Variants in ALG10B observed in about 807,000 individuals in gnomAD.
The protein encoded by ALG10B is dol-P-Glc:Glc(2)Man(9)GlcNAc(2)-PP-Dol alpha-1,2-glucosyltransferase B.
In ALG10B, 27 loss-of-function variants were observed where a neutral mutation model predicts 38.7. That is an observed-to-expected ratio of 0.70 (90% confidence interval 0.51 to 0.96). The LOEUF (loss-of-function observed/expected upper bound fraction) is 0.96. ALG10B is among the 40% of genes least tolerant of loss of function. ALG10B has a pLI of 0.00. For missense variants in ALG10B, 522 were observed against 542.7 expected, an observed-to-expected ratio of 0.96 and a Z score of 0.38; for synonymous variants, 177 against 193.3, an observed-to-expected ratio of 0.92 and a Z score of 0.70.
chr12:38,321,705 T>A lies in ALG10B; in HGVS notation c.*492T>A, dbSNP rs1223860055. On this transcript the variant is annotated 3_prime_UTR_variant, in exon 3 of 3. Coordinates refer to ENST00000308742, the MANE Select transcript of ALG10B (RefSeq NM_001013620.4). ...CAAATGGTCAGGTGATATTCTTGAC[T>A]GAAAAGTTCCTTAACATTTCAGTAA... 1 of 152,630 alleles carries A rather than the reference T, an allele frequency of 6.6e-6. No homozygotes were observed. Among genetic ancestry groups the A allele is most frequent in the Non-Finnish European group, 1.5e-5 (1 of 68,040 alleles). 9.5% of individuals were successfully genotyped at this position (152,630 alleles called of 1,614,324 possible).
chr12:38,318,471 A>G lies in ALG10B; in HGVS notation c.369+13A>G. The G allele has an allele frequency of 3.1e-6, 5 of 1,610,652 alleles. No individual in the cohort carries two copies. The highest frequency in any genetic ancestry group is 4.2e-6 in the Non-Finnish European group (5 of 1,176,946). On this transcript the variant is annotated intron_variant, in intron 2 of 2. Coordinates refer to ENST00000308742, the MANE Select transcript of ALG10B (RefSeq NM_001013620.4). The stretch of plus-strand genomic sequence containing the variant: ...ACCCAGAAACAAGGTATGTTTCAAA[A>G]TACTTAATTACAAGTTTATGTGTAG...
chr12:38,328,895 T>C lies in ALG10B; in HGVS notation c.*7682T>C, dbSNP rs1591942344. On this transcript the variant is annotated 3_prime_UTR_variant, in exon 3 of 3. Transcript: ENST00000308742. ...CCACTGTTATAAAGTGATTTACCCA[T>C]GTTAGTCTCATAACAACTCTATGAG... The C allele has an allele frequency of 3.7e-6, 1 of 273,824 alleles. No individual in the cohort carries two copies. The highest frequency in any genetic ancestry group is 6.8e-6 in the Non-Finnish European group (1 of 147,558). 17.0% of individuals were successfully genotyped at this position (273,824 alleles called of 1,614,324 possible). A position where few individuals can be genotyped will look rare whatever the true frequency, so the allele number is the denominator to read the frequency against.
Position 38,316,818 on chromosome 12 carries a change from C to T in ALG10B, c.-76C>T, listed in dbSNP as rs1945658962. ...CCTGTCTAGCGCGCCCATTTCGAGC[C>T]CAAGTTTCCAGCTCGGGTTTCCGGG... On this transcript the variant is annotated 5_prime_UTR_variant, in exon 1 of 3. Coordinates refer to ENST00000308742, the MANE Select transcript of ALG10B (RefSeq NM_001013620.4). 3.1e-6 allele frequency: 5 copies of T among 1,612,644 alleles called. No homozygotes were observed. Among genetic ancestry groups the T allele is most frequent in the East Asian group, 4.5e-5 (2 of 44,860 alleles).
At chr12:38,318,555 A>T in intron 2 of ALG10B, 97 bp downstream of exon 2, 7 of 1,301,654 alleles carry the variant, frequency 5.4e-6, no homozygotes, top group East Asian at 2.3e-5. Flanking sequence ...TGTCTTTAAC[A>T]CTTTGTAACT....
rs1263306464 is a variant in ALG10B, at chr12:38,329,369, C to T, written c.*8156C>T. The T allele has an allele frequency of 2.5e-6, 1 of 395,600 alleles. No homozygotes were observed. Among genetic ancestry groups the T allele is most frequent in the Non-Finnish European group, 4.5e-6 (1 of 224,696 alleles). The allele number at this position is 395,600 out of a possible 1,614,324, so 24.5% of individuals were successfully genotyped here. A position where few individuals can be genotyped will look rare whatever the true frequency, so the allele number is the denominator to read the frequency against. On this transcript the variant is annotated 3_prime_UTR_variant, in exon 3 of 3. Transcript: ENST00000308742. ...GACCTTTGTTTTAATATGAATGATT[C>T]CAGTTAACAAATGGAGAAATAGTTG...
Position 38,316,899 on chromosome 12 carries a change from G to A in ALG10B, c.6G>A (p.Ala2=). 1.2e-6 allele frequency: 2 copies of A among 1,614,138 alleles called. No individual in the cohort carries two copies. The highest frequency in any genetic ancestry group is 2.7e-5 in the African/African-American group (2 of 75,040). Residue 2 remains alanine (A), a synonymous_variant, in exon 1 of 3, where the codon GCG becomes GCA. Coordinates refer to ENST00000308742, the MANE Select transcript of ALG10B (RefSeq NM_001013620.4). ...CAGTGGCTGTGGGAGCAGGAATGGC[G>A]CAGCTAGAGGGTTACTGTTTCTCGG... M[A]QLEGYCFSAA...
In ALG10B at chr12:38,318,247, C is replaced by G; in HGVS notation, c.172-14C>G. ...TTACCTCTTGCTTTTACTTCATTTT[C>G]TTTCATTTTAAAGTGGGATCCCATG... On this transcript the variant is annotated splice_polypyrimidine_tract_variant and intron_variant, in intron 1 of 2. Transcript: ENST00000308742. 6.2e-7 allele frequency: 1 copy of G among 1,613,846 alleles called. No homozygotes were observed. The highest frequency in any genetic ancestry group is 1.7e-5 in the Admixed American group (1 of 60,014).
In ALG10B at chr12:38,329,487, C is replaced by G. The variant is rs373727942; in HGVS notation, c.*8274C>G. 2.8e-5 allele frequency: 9 copies of G among 324,600 alleles called. No homozygotes were observed. The Admixed American group carries it at 3.4e-4, about 12-fold the overall frequency. The allele number at this position is 324,600 out of a possible 1,614,324, so 20.1% of individuals were successfully genotyped here. A position where few individuals can be genotyped will look rare whatever the true frequency, so the allele number is the denominator to read the frequency against. ...ACATACTTTAGATATTTGAAAAATT[C>G]TCTGTGGAATCACAATCTCTTATTT... On this transcript the variant is annotated 3_prime_UTR_variant, in exon 3 of 3. Transcript: ENST00000308742.
chr12:38,320,626 C>A lies in ALG10B; in HGVS notation c.835C>A (p.Arg279=), dbSNP rs1045176953. ...VVNGGIVIGD[R]SSHEACLHFP... is the part of the protein sequence containing the mutation. ...TAATGGTGGAATTGTTATTGGCGAT[C>A]GGAGTAGTCATGAAGCCTGTCTTCA... Residue 279 remains arginine, a synonymous_variant, in exon 3 of 3, where the codon CGG becomes AGG. Coordinates refer to ENST00000308742, the MANE Select transcript of ALG10B (RefSeq NM_001013620.4). The A allele has an allele frequency of 1.2e-6, 2 of 1,613,854 alleles. No individual in the cohort carries two copies. Among genetic ancestry groups the A allele is most frequent in the Admixed American group, 1.7e-5 (1 of 59,986 alleles).
At chr12:38,318,104 A>G (rs1945671950) in intron 1 of ALG10B, 157 bp from the exon 2 acceptor site, 5 of 984,222 alleles carry the variant, frequency 5.1e-6, no homozygotes, top group Non-Finnish European at 6.2e-6. Flanking sequence ...AATAAGAAAA[A>G]CTAATCCTGT....
In ALG10B at chr12:38,329,202, A is replaced by T. The variant is rs1945772689; in HGVS notation, c.*7989A>T. Reference sequence around the variant, plus strand: ...TTTTGCCTCTTCCACAGGGAGATAGATTCTCATCTACCATTGTGTCTTTTG... The same window carrying T: ...TTTTGCCTCTTCCACAGGGAGATAGTTTCTCATCTACCATTGTGTCTTTTG... On this transcript the variant is annotated 3_prime_UTR_variant, in exon 3 of 3. Transcript: ENST00000308742. 1 of 398,344 alleles carries T rather than the reference A, an allele frequency of 2.5e-6. No individual in the cohort carries two copies. Among genetic ancestry groups the T allele is most frequent in the Non-Finnish European group, 4.4e-6 (1 of 226,014 alleles). 24.7% of individuals were successfully genotyped at this position (398,344 alleles called of 1,614,324 possible).
rs971737093 is a variant in ALG10B at position 38,326,655 on chromosome 12, A to C, written c.*5442A>C. 6.6e-6 allele frequency: 1 copy of C among 151,764 alleles called. No individual in the cohort carries two copies. Among genetic ancestry groups the C allele is most frequent in the African/African-American group, 2.4e-5 (1 of 41,330 alleles). The allele number at this position is 151,764 out of a possible 1,614,324, so 9.4% of individuals were successfully genotyped here. ...TAATTACAAATACTTTGTTTTTTTT[A>C]GTTGGGCTACATTTTACCACTCTAG... is the stretch of plus-strand genomic sequence containing the variant. On this transcript the variant is annotated 3_prime_UTR_variant, in exon 3 of 3. Transcript: ENST00000308742.
chr12:38,320,885 G>A lies in ALG10B; in HGVS notation c.1094G>A (p.Arg365Lys). The A allele has an allele frequency of 1.2e-6, 2 of 1,613,756 alleles. No individual in the cohort carries two copies. Among genetic ancestry groups the A allele is most frequent in the Non-Finnish European group, 1.7e-6 (2 of 1,179,866 alleles). Residue 365 changes from arginine to lysine, a missense_variant, in exon 3 of 3, where the codon AGA becomes AAA. Transcript: ENST00000308742. ...TATGTGTGGAAAAGAGTTTTTCAAA[G>A]ATATGCAATTCTGAAATATTTGTTA... ...TFYVWKRVFQ[R>K]YAILKYLLVP...
Position 38,320,449 on chromosome 12 carries a change from C to T in ALG10B, c.658C>T (p.Leu220Phe), listed in dbSNP as rs543577946. Residue 220 changes from leucine to phenylalanine, a missense_variant, in exon 3 of 3, where the codon CTT (leucine) becomes TTT (phenylalanine). Physicochemically the swap from Leu to Phe is conservative, Grantham distance 22. Transcript: ENST00000308742. ...TGAGCTACAAAAGAAGGAAGACAGA[C>T]TTCCACCTATTAAAGGACCATTTGC... ...KTELQKKEDR[L>F]PPIKGPFAEF... 3.7e-6 allele frequency: 6 copies of T among 1,613,956 alleles called. No homozygotes were observed. The highest frequency in any genetic ancestry group is 5.1e-6 in the Non-Finnish European group (6 of 1,179,964).
chr12:38,319,547 A>G (rs186766431), intron 2 of ALG10B, among the ~76,000 whole-genome samples: 1 of 152,322 alleles, frequency 6.6e-6, no homozygotes, highest in African/African-American at 2.4e-5. Flanking sequence ...GAACATAAGA[A>G]CACTTTCAAA....
In ALG10B at chr12:38,328,114, A is replaced by G. The variant is rs1945761727; in HGVS notation, c.*6901A>G. 6.6e-6 allele frequency: 1 copy of G among 152,190 alleles called. No individual in the cohort carries two copies. The highest frequency in any genetic ancestry group is 6.5e-5 in the Admixed American group (1 of 15,278). The allele number at this position is 152,190 out of a possible 1,614,324, so 9.4% of individuals were successfully genotyped here. On this transcript the variant is annotated 3_prime_UTR_variant, in exon 3 of 3. Coordinates refer to ENST00000308742, the MANE Select transcript of ALG10B (RefSeq NM_001013620.4). ...GATACTACACAAGAGTTAGATAGCAAGTAGTTCAAATGTCTTTTAAAGGTA... is the reference window on the plus strand; with the variant it reads ...GATACTACACAAGAGTTAGATAGCAGGTAGTTCAAATGTCTTTTAAAGGTA...
rs147946662 is a variant in ALG10B, at chr12:38,318,449, C to T, written c.360C>T (p.Pro120=). ...ATTTGCTTTTCCACAAGGTACAACC[C>T]AGAAACAAGGTATGTTTCAAAATAC... ...LLYLLFHKVQ[P]RNKAASSIQR... Residue 120 remains proline, a synonymous_variant, in exon 2 of 3, where the codon CCC becomes CCT. Coordinates refer to ENST00000308742, the MANE Select transcript of ALG10B (RefSeq NM_001013620.4). 127 of 1,613,902 alleles carry T rather than the reference C, an allele frequency of 7.9e-5. No homozygotes were observed. Among genetic ancestry groups the T allele is most frequent in the Middle Eastern group, 1.6e-4 (1 of 6,084 alleles).
rs1382360902 is a variant in ALG10B at position 38,326,379 on chromosome 12, T to C, written c.*5166T>C. On this transcript the variant is annotated 3_prime_UTR_variant, in exon 3 of 3. Transcript: ENST00000308742. ...TAAACATGTTGTTTCTTTGATAGGA[T>C]ATGATTTCAACATAATTACTGTTTA... The C allele has an allele frequency of 1.3e-5, 2 of 151,852 alleles. No individual in the cohort carries two copies. The highest frequency in any genetic ancestry group is 2.9e-5 in the Non-Finnish European group (2 of 67,926). The allele number at this position is 151,852 out of a possible 1,614,324, so 9.4% of individuals were successfully genotyped here.
chr12:38,319,457 A>G (rs74087812), intron 2 of ALG10B, among the ~76,000 whole-genome samples: 6,013 of 152,212 alleles, frequency 0.04, 432 homozygotes, highest in African/African-American at 0.14. Flanking sequence ...TTTAGCATGT[A>G]ATGGAGAGAC....
Sources: allele counts gnomAD v4.1 joint callset (sites outside exome capture counted in the v4.1 genomes callset), GRCh38; gene constraint gnomAD v4.1.1; transcripts MANE v1.5; gene names NCBI Gene and HGNC (gene_info 2026-07-23, HGNC 2026-07-21).